TMEM140: variants seen among roughly 807,000 people sequenced by gnomAD.
TMEM140 encodes transmembrane protein 140.
For synonymous variants in TMEM140, 107 were observed against 106.8 expected, an observed-to-expected ratio of 1.00 and a Z score of -0.01; for missense variants, 236 against 228.5, an observed-to-expected ratio of 1.03 and a Z score of -0.21.
intron 1 of TMEM140, among the ~76,000 whole-genome samples, chr7:135,163,559 T>G (rs373893068): frequency 6.6e-6 from 1 of 152,106 alleles, no homozygotes. Flanking sequence ...GCAGGAGACT[T>G]GCTTGACCCC....
chr7:135,154,307 T>C (rs1303325103), intron 1 of TMEM140, among the ~76,000 whole-genome samples: 6 of 152,212 alleles, frequency 3.9e-5, no homozygotes, highest in African/African-American at 1.4e-4. Context: ...AGAACTAATA[T>C]ATGAACTTTT....
Position 135,165,007 on chromosome 7 carries a change from C to T in TMEM140, c.*8C>T, listed in dbSNP as rs370885555. 5.9e-5 allele frequency: 92 copies of T among 1,565,710 alleles called. No homozygotes were observed. Among genetic ancestry groups the T allele is most frequent in the Admixed American group, 2.8e-4 (15 of 54,092 alleles). ...AAGCTTGAGAGCTGCTAAAGGCTTA[C>T]GTGATTGCAAGGGTTCAGTTCCAAC... On this transcript the variant is annotated 3_prime_UTR_variant, in exon 2 of 2. Transcript: ENST00000275767.
chr7:135,164,693 G>C lies in TMEM140; in HGVS notation c.252G>C (p.Arg84Ser), dbSNP rs968124667. ...GVPRVGLGLA[R>S]LGVYGSLVLT... is the part of the protein sequence containing the mutation. ...CTCGGGTTGGCCTGGGCCTGGCCAG[G>C]CTTGGCGTGTACGGGTCCCTGGTCC... The change falls in exon 2 of 2, where the codon AGG becomes AGC. Residue 84 changes from arginine (R) to serine (S), a missense_variant. Transcript: ENST00000275767. The C allele has an allele frequency of 1.5e-5, 24 of 1,614,070 alleles. No homozygotes were observed. The highest frequency in any genetic ancestry group is 1.9e-5 in the Non-Finnish European group (23 of 1,180,010).
intron 1 of TMEM140, among the ~76,000 whole-genome samples, chr7:135,160,078 A>G (rs1057327755): frequency 1.3e-5 from 2 of 152,270 alleles, no homozygotes; most frequent in Admixed American, 6.5e-5. Flanking sequence ...TCTAGTTCAC[A>G]TAGAATGATG....
intron 1 of TMEM140, among the ~76,000 whole-genome samples, chr7:135,163,589 G>A (rs936027779): frequency 9.2e-5 from 14 of 152,198 alleles, no homozygotes; most frequent in Non-Finnish European, 1.9e-4. Context: ...AGATTGCAGT[G>A]AGCCAAGATC....
chr7:135,160,965 G>A (rs1829921676), intron 1 of TMEM140, among the ~76,000 whole-genome samples: 1 of 152,148 alleles, frequency 6.6e-6, no homozygotes, highest in Admixed American at 6.5e-5. Context: ...TGGGCAGATG[G>A]GAATGTATTC....
intron 1 of TMEM140, among the ~76,000 whole-genome samples, chr7:135,156,863 A>G (rs1400836423): frequency 6.6e-6 from 1 of 152,160 alleles, no homozygotes; most frequent in Admixed American, 6.5e-5. Context: ...CAGGGGAGGT[A>G]ACTGAATCAT....
chr7:135,162,806 T>C (rs1829980087), intron 1 of TMEM140, among the ~76,000 whole-genome samples: 1 of 152,188 alleles, frequency 6.6e-6, no homozygotes, highest in Non-Finnish European at 1.5e-5. Flanking sequence ...TACACATATG[T>C]AAAATACAGT....
chr7:135,159,978 T>C (rs139397011), intron 1 of TMEM140, among the ~76,000 whole-genome samples: 3 of 152,340 alleles, frequency 2.0e-5, no homozygotes, highest in Admixed American at 6.5e-5. Flanking sequence ...ATAGCATTCA[T>C]AGCATTATAA....
intron 1 of TMEM140, 77 bp downstream of exon 1, chr7:135,148,347 G>C (rs1829591531): frequency 3.0e-6 from 1 of 330,900 alleles, no homozygotes. Flanking sequence ...TTTCTTCTCA[G>C]ATATTTCATG....
At chr7:135,159,050 A>G (rs1027054882) in intron 1 of TMEM140, among the ~76,000 whole-genome samples, 3 of 152,166 alleles carry the variant, frequency 2.0e-5, no homozygotes, top group Non-Finnish European at 4.4e-5. Flanking sequence ...TTTGTTTTGG[A>G]GCCCTAGGGG....
intron 1 of TMEM140, among the ~76,000 whole-genome samples, chr7:135,159,313 A>G (rs185082723): frequency 1.4e-4 from 22 of 152,366 alleles, no homozygotes; most frequent in Admixed American, 1.1e-3. Flanking sequence ...TACTCTTTCA[A>G]TAAGAACCTG....
In TMEM140 at chr7:135,150,140, T is replaced by C. The variant is rs73153787; in HGVS notation, c.-25+1870T>C. On this transcript the variant is annotated intron_variant, in intron 1 of 1. Coordinates refer to ENST00000275767, the MANE Select transcript of TMEM140 (RefSeq NM_018295.5). ...CACTCTTGGATCCATGTGAAATTTA[T>C]TTGGGTATGTGGAGTGAGATGAGGA... Among the ~76,000 whole-genome samples, 820 of 152,342 alleles carry C rather than the reference T, an allele frequency of 5.4e-3. 6 individuals carry two copies. The highest frequency in any genetic ancestry group is 0.021 in the South Asian group (99 of 4,824).
At chr7:135,150,079 T>C (rs1378199517) in intron 1 of TMEM140, among the ~76,000 whole-genome samples, 4 of 152,240 alleles carry the variant, frequency 2.6e-5, no homozygotes, top group Non-Finnish European at 5.9e-5. Flanking sequence ...TATCCTTTTT[T>C]CCAGATCATT....
At chr7:135,153,741 ACTAGTATTT>A (rs571829789) in intron 1 of TMEM140, among the ~76,000 whole-genome samples, 1 of 152,242 alleles carries the variant, frequency 6.6e-6, no homozygotes, top group East Asian at 1.9e-4. Flanking sequence ...GATTTGATTT[ACTAGTATTT>A]TGTTGAGGAT....
Position 135,164,670 on chromosome 7 carries a change from C to T in TMEM140, c.229C>T (p.Arg77Trp), listed in dbSNP as rs145562868. Reference protein sequence around the residue: ...FPELEALGVPRVGLGLARLGV... With the variant: ...FPELEALGVPWVGLGLARLGV... ...TGAGCTGGAAGCCCTGGGGGTGCCT[C>T]GGGTTGGCCTGGGCCTGGCCAGGCT... Residue 77 changes from arginine (R) to tryptophan (W), a missense_variant, in exon 2 of 2, where the codon CGG (arginine) becomes TGG (tryptophan). Transcript: ENST00000275767. 1.8e-3 allele frequency: 2,903 copies of T among 1,613,618 alleles called. 7 individuals are homozygous for T. The highest frequency in any genetic ancestry group is 6.6e-3 in the Middle Eastern group (40 of 6,060).
In TMEM140 at chr7:135,165,342, G is replaced by A. The variant is rs918783149; in HGVS notation, c.*343G>A. Reference sequence around the variant, plus strand: ...TGGGGAGGGAGTGATTGCTGTCATGGGGCCAGACTTCCAGGCTGATTTGCC... The same window carrying A: ...TGGGGAGGGAGTGATTGCTGTCATGAGGCCAGACTTCCAGGCTGATTTGCC... On this transcript the variant is annotated 3_prime_UTR_variant, in exon 2 of 2. Coordinates refer to ENST00000275767, the MANE Select transcript of TMEM140 (RefSeq NM_018295.5). 23 of 231,084 alleles carry A rather than the reference G, an allele frequency of 1.0e-4. No homozygotes were observed. Among genetic ancestry groups the A allele is most frequent in the Non-Finnish European group, 1.8e-4 (20 of 109,280 alleles). The allele number at this position is 231,084 out of a possible 1,614,324, so 14.3% of individuals were successfully genotyped here.
At chr7:135,155,442 T>A (rs1197656914) in intron 1 of TMEM140, among the ~76,000 whole-genome samples, 4 of 152,262 alleles carry the variant, frequency 2.6e-5, no homozygotes, top group Admixed American at 2.0e-4. Flanking sequence ...TGAAACTCTG[T>A]CATGTTGCCA....
intron 1 of TMEM140, among the ~76,000 whole-genome samples, chr7:135,155,659 G>A (rs1362046767): frequency 1.3e-5 from 2 of 152,082 alleles, no homozygotes; most frequent in Admixed American, 6.5e-5. Context: ...AAGACCAACC[G>A]GGGCAAAATA....
Sources: gnomAD v4.1 joint callset for allele counts (sites outside exome capture counted in the v4.1 genomes callset) on GRCh38, gnomAD v4.1.1 for gene constraint, MANE v1.5 for transcripts, NCBI Gene and HGNC (gene_info 2026-07-23, HGNC 2026-07-21) for gene names.